The following DNAJC3 variants were observed in gnomAD, a reference collection of about 807,000 sequenced individuals.
The protein encoded by DNAJC3 is dnaJ homolog subfamily C member 3.
DNAJC3 carries 38 observed loss-of-function variants against 68.6 expected under a neutral mutation model. The ratio of observed to expected loss-of-function variants is 0.55; its 90% CI spans 0.43 to 0.73. The LOEUF is 0.73. Ranked by LOEUF, DNAJC3 falls within the 30% of genes least tolerant of loss-of-function variation. The pLI, the probability that DNAJC3 is intolerant of heterozygous loss-of-function variation, is 0.00. For missense variants in DNAJC3, 526 were observed against 591.9 expected (o/e 0.89, Z 1.16); for synonymous variants, 203 against 204.0 (o/e 1.00, Z 0.04).
Position 95,763,872 on chromosome 13 carries a change from G to A in DNAJC3, c.994G>A (p.Val332Ile), listed in dbSNP as rs1250295974. The A allele has an allele frequency of 1.2e-6, 2 of 1,613,944 alleles. No homozygotes were observed. The highest frequency in any genetic ancestry group is 1.7e-5 in the Admixed American group (1 of 59,982). Residue 332 changes from valine (V) to isoleucine (I), a missense_variant, in exon 9 of 12, where the codon GTT becomes ATT. By Grantham distance (29) the Val-to-Ile change is conservative. Transcript: ENST00000602402. ...TGAAGCTATTAGGGTTTGTTCTGAAGTTTTACAGATGGAACCTGACAATGT... is the reference window on the plus strand; with the variant it reads ...TGAAGCTATTAGGGTTTGTTCTGAAATTTTACAGATGGAACCTGACAATGT... The part of the protein sequence containing the change: ...PVEAIRVCSE[V>I]LQMEPDNVNA...
intron 1 of DNAJC3, 36 bp downstream of exon 1, chr13:95,677,373 C>G: frequency 1.3e-6 from 2 of 1,552,634 alleles, no homozygotes; most frequent in Non-Finnish European, 1.7e-6. Flanking sequence ...GAAGTGGGCT[C>G]CCGGACCAGG....
intron 1 of DNAJC3, among the ~76,000 whole-genome samples, chr13:95,692,174 G>T (rs141785859): frequency 6.6e-6 from 1 of 152,136 alleles, no homozygotes; most frequent in African/African-American, 2.4e-5. Flanking sequence ...TGAGTTTATT[G>T]AAACTTTCCA....
chr13:95,742,575 T>C (rs1655508404), intron 4 of DNAJC3: 2 of 460,122 alleles, frequency 4.3e-6, no homozygotes, highest in Non-Finnish European at 8.5e-6. Context: ...TCAGAGCCTC[T>C]TTGGGCTCTT....
At chr13:95,711,970 T>C (rs551152701) in intron 2 of DNAJC3, among the ~76,000 whole-genome samples, 1 of 152,194 alleles carries the variant, frequency 6.6e-6, no homozygotes, top group South Asian at 2.1e-4. Flanking sequence ...TAATAGCAAA[T>C]GAATCTAAAG....
At chr13:95,781,809 G>GTT (rs895313472) in intron 9 of DNAJC3, among the ~76,000 whole-genome samples, 1 of 142,412 alleles carries the variant, frequency 7.0e-6, no homozygotes, top group African/African-American at 2.6e-5. Flanking sequence ...GTGTGTGTGT[G>GTT]TTTTTTTTTT....
chr13:95,789,024 G>GTATC (rs1883683231), intron 11 of DNAJC3, among the ~76,000 whole-genome samples: 1 of 152,112 alleles, frequency 6.6e-6, no homozygotes, highest in Admixed American at 6.6e-5. Context: ...TTTTCTCTAA[G>GTATC]TATCTTTGAA....
At chr13:95,678,367 CT>C (rs981847662) in intron 1 of DNAJC3, among the ~76,000 whole-genome samples, 2 of 149,454 alleles carry the variant, frequency 1.3e-5, no homozygotes, top group African/African-American at 4.9e-5. Flanking sequence ...AAGTTCTCAA[CT>C]TTTTTTTTTA....
intron 4 of DNAJC3, among the ~76,000 whole-genome samples, chr13:95,750,254 C>A (rs1290431859): frequency 1.4e-5 from 2 of 144,292 alleles, no homozygotes; most frequent in Admixed American, 6.9e-5. Context: ...CAGTGCAAGA[C>A]CCTGTCTCAA....
intron 1 of DNAJC3, chr13:95,695,739 C>G (rs1416016477): frequency 1.3e-5 from 2 of 152,200 alleles, no homozygotes; most frequent in Non-Finnish European, 2.9e-5. Flanking sequence ...ATACTCTGGT[C>G]TTCTAAACCA....
intron 11 of DNAJC3, among the ~76,000 whole-genome samples, chr13:95,787,472 C>T (rs1167367334): frequency 1.3e-5 from 2 of 152,180 alleles, no homozygotes; most frequent in East Asian, 3.9e-4. Context: ...TCTCAGGTTC[C>T]CTCTAACCTC....
intron 1 of DNAJC3, among the ~76,000 whole-genome samples, chr13:95,683,833 C>T (rs1879993748): frequency 6.7e-6 from 1 of 148,596 alleles, no homozygotes; most frequent in Non-Finnish European, 1.5e-5. Flanking sequence ...ACTTGGGAGG[C>T]TGAGGCAGAG....
intron 10 of DNAJC3, among the ~76,000 whole-genome samples, chr13:95,786,574 T>C (rs1399304982): frequency 1.3e-5 from 2 of 152,204 alleles, no homozygotes; most frequent in African/African-American, 4.8e-5. Flanking sequence ...AGTGGTTCGC[T>C]GAGTAAACCA....
intron 2 of DNAJC3, among the ~76,000 whole-genome samples, chr13:95,710,288 G>A (rs755818705): frequency 1.3e-5 from 2 of 151,088 alleles, no homozygotes; most frequent in Non-Finnish European, 1.5e-5. Flanking sequence ...ACCCAGGCTG[G>A]AGTGCATTGG....
chr13:95,790,764 A>T (rs1430810170), intron 11 of DNAJC3, 109 bp from the exon 12 acceptor site: 28 of 1,275,640 alleles, frequency 2.2e-5, no homozygotes, highest in Non-Finnish European at 2.8e-5. Flanking sequence ...ATAACCGAAA[A>T]GTAAGTAGCT....
intron 4 of DNAJC3, among the ~76,000 whole-genome samples, chr13:95,751,821 A>C (rs1026734926): frequency 6.6e-6 from 1 of 152,208 alleles, no homozygotes. Context: ...AGGCCTCACA[A>C]TCATGGTGGA....
chr13:95,791,128 G>C lies in DNAJC3; in HGVS notation c.*98G>C, dbSNP rs375293538. 3.7e-5 allele frequency: 52 copies of C among 1,397,378 alleles called. 1 individual carries two copies. In the East Asian group the frequency reaches 6.4e-4, roughly 17 times the overall value. 86.6% of individuals were successfully genotyped at this position (1,397,378 alleles called of 1,614,324 possible). ...TGAAAAAAAATTTCAAATCTTTTCA[G>C]TTTGTCCATGACCAAAGAGTTGCTT... On this transcript the variant is annotated 3_prime_UTR_variant, in exon 12 of 12. Coordinates refer to ENST00000602402, the MANE Select transcript of DNAJC3 (RefSeq NM_006260.5).
In DNAJC3 at chr13:95,743,626, C is replaced by T. The variant is rs563696085; in HGVS notation, c.394-14018C>T. Reference sequence around the variant, plus strand: ...AGGCTGGAGTGTAGTGGCATGATCTCGGCCCACTGCAACCTCTGCCTCCTG... The same window carrying T: ...AGGCTGGAGTGTAGTGGCATGATCTTGGCCCACTGCAACCTCTGCCTCCTG... On this transcript the variant is annotated intron_variant, in intron 4 of 11. Transcript: ENST00000602402. 3.7e-4 allele frequency among the ~76,000 whole-genome samples: 56 copies of T among 152,192 alleles called. No individual in the cohort carries two copies. The Middle Eastern group carries it at 0.014, about 37-fold the overall frequency.
intron 5 of DNAJC3, among the ~76,000 whole-genome samples, chr13:95,758,981 A>C (rs1205229738): frequency 6.6e-6 from 1 of 152,194 alleles, no homozygotes; most frequent in Non-Finnish European, 1.5e-5. Flanking sequence ...ACATTCCCAT[A>C]GACTATCCAT....
chr13:95,773,971 G>A (rs570784742), intron 9 of DNAJC3, among the ~76,000 whole-genome samples: 16 of 152,148 alleles, frequency 1.1e-4, no homozygotes, highest in African/African-American at 3.4e-4. Flanking sequence ...TCCTGACCTC[G>A]TGATCCACCC....
Sources: gnomAD v4.1 joint callset for allele counts (sites outside exome capture counted in the v4.1 genomes callset) on GRCh38, gnomAD v4.1.1 for gene constraint, MANE v1.5 for transcripts, NCBI Gene and HGNC (gene_info 2026-07-23, HGNC 2026-07-21) for gene names.